The following ATP8A1 variants were observed in gnomAD, a reference collection of about 807,000 sequenced individuals.
The protein encoded by ATP8A1 is phospholipid-transporting ATPase IA.
Under a neutral mutation model 177.7 loss-of-function variants are expected in ATP8A1, and 90 were observed. That is an observed-to-expected ratio of 0.51 (90% CI 0.43 to 0.60). ATP8A1 has a LOEUF of 0.60. ATP8A1 is among the 20% of genes least tolerant of loss of function. The pLI, the probability that ATP8A1 is intolerant of heterozygous loss-of-function variation, is 0.00. For synonymous variants in ATP8A1, 493 were observed against 485.9 expected (o/e 1.01, Z -0.19); for missense variants, 1,072 against 1,392.8 (o/e 0.77, Z 3.67).
chr4:42,625,324 T>C (rs1378597497), intron 3 of ATP8A1: 1 of 217,728 alleles, frequency 4.6e-6, no homozygotes, highest in Non-Finnish European at 9.0e-6. Context: ...TCAGAGTTGA[T>C]ACTTTTACTA....
intron 33 of ATP8A1, among the ~76,000 whole-genome samples, chr4:42,435,445 A>C (rs1005368433): frequency 6.8e-4 from 38 of 56,012 alleles, no homozygotes; most frequent in Admixed American, 1.2e-3. Context: ...AAAAAAAAAA[A>C]AAAACAAAAA....
intron 20 of ATP8A1, among the ~76,000 whole-genome samples, chr4:42,529,407 G>A (rs569675589): frequency 2.0e-5 from 3 of 152,264 alleles, no homozygotes; most frequent in South Asian, 2.1e-4. Flanking sequence ...GTCACGATGC[G>A]ACCTGAACTG....
At position 42,465,013 on chromosome 4, in the gene ATP8A1, C is replaced by T. The variant is rs201046724; in HGVS notation, c.2388G>A (p.Thr796=). 1.7e-5 allele frequency: 27 copies of T among 1,614,160 alleles called. No homozygotes were observed. Among genetic ancestry groups the T allele is most frequent in the Non-Finnish European group, 1.9e-5 (23 of 1,180,014 alleles). ...EMVKKQVKVV[T]LAIGDGANDV... is the part of the protein sequence containing the mutation. Reference sequence around the variant, plus strand: ...CATTTGCTCCATCACCGATTGCAAGCGTTACGACTTTGACTTGTTTCTTAA... The same window carrying T: ...CATTTGCTCCATCACCGATTGCAAGTGTTACGACTTTGACTTGTTTCTTAA... The change falls in exon 26 of 37, where the codon ACG becomes ACA. Residue 796 remains threonine, a synonymous_variant. Coordinates refer to ENST00000381668, the MANE Select transcript of ATP8A1 (RefSeq NM_006095.2).
chr4:42,585,641 G>T (rs993622092), intron 9 of ATP8A1, among the ~76,000 whole-genome samples: 4 of 151,642 alleles, frequency 2.6e-5, no homozygotes, highest in Non-Finnish European at 4.4e-5. Flanking sequence ...AAATTACCCA[G>T]TCTAAGATAT....
intron 22 of ATP8A1, among the ~76,000 whole-genome samples, chr4:42,514,481 T>C (rs995847959): frequency 1.3e-5 from 2 of 152,206 alleles, no homozygotes; most frequent in Non-Finnish European, 2.9e-5. Context: ...GGGAAAATCA[T>C]GAAAAACATA....
chr4:42,653,186 C>A (rs546904045), intron 1 of ATP8A1, among the ~76,000 whole-genome samples: 2 of 152,202 alleles, frequency 1.3e-5, no homozygotes, highest in Admixed American at 6.5e-5. Context: ...CAGGCCAACT[C>A]CCTTATCTCC....
In ATP8A1 at chr4:42,473,820, G is replaced by GTT. The variant is rs35611601; in HGVS notation, c.2325-8746_2325-8745dup. ...GCCACCATGCATGGCTAATTTTTGTGTTTTTTTTTTTTTTGTAGAGATGGA... is the reference window on the plus strand; with the variant it reads ...GCCACCATGCATGGCTAATTTTTGTGTTTTTTTTTTTTTTTTGTAGAGATGGA... On this transcript the variant is annotated intron_variant, in intron 25 of 36. Transcript: ENST00000381668. Among the ~76,000 whole-genome samples the GTT allele has an allele frequency of 4.7e-3, 616 of 131,656 alleles. 9 individuals carry two copies. The highest frequency in any genetic ancestry group is 0.041 in the East Asian group (183 of 4,428). The allele number at this position is 131,656 out of a possible 152,430, so 86.4% of individuals were successfully genotyped here.
At chr4:42,463,482 A>G (rs918366069) in intron 27 of ATP8A1, among the ~76,000 whole-genome samples, 1 of 152,174 alleles carries the variant, frequency 6.6e-6, no homozygotes, top group African/African-American at 2.4e-5. Context: ...CTGTAAGTCC[A>G]TTAAACCTCT....
chr4:42,500,713 G>T (rs1213998720), intron 24 of ATP8A1, among the ~76,000 whole-genome samples: 4 of 152,166 alleles, frequency 2.6e-5, no homozygotes, highest in African/African-American at 9.7e-5. Context: ...TGCTATGAAA[G>T]GAGTCAAGAA....
chr4:42,551,968 A>C (rs1011495712), intron 17 of ATP8A1, among the ~76,000 whole-genome samples: 4 of 152,200 alleles, frequency 2.6e-5, no homozygotes, highest in African/African-American at 9.7e-5. Context: ...CAGATCTAAA[A>C]TTAAGCCTAA....
At chr4:42,481,847 A>C (rs1721703919) in intron 25 of ATP8A1, among the ~76,000 whole-genome samples, 1 of 152,232 alleles carries the variant, frequency 6.6e-6, no homozygotes, top group African/African-American at 2.4e-5. Context: ...AAATCATGAG[A>C]ATCAGTGGAC....
chr4:42,491,416 T>G (rs543880323), intron 24 of ATP8A1, among the ~76,000 whole-genome samples: 250 of 152,272 alleles, frequency 1.6e-3, no homozygotes, highest in Non-Finnish European at 2.8e-3. Context: ...AATAAAATAA[T>G]GTAACAGCAA....
In ATP8A1 at chr4:42,548,405, T is replaced by C. The variant is rs1430823014; in HGVS notation, c.1652+608A>G. On this transcript the variant is annotated intron_variant, in intron 19 of 36. Coordinates refer to ENST00000381668, the MANE Select transcript of ATP8A1 (RefSeq NM_006095.2). ...GCTATATTTCAAAACGATTTCTTTT[T>C]CTAAATTTTAAAATTGATACACAGT... Among the ~76,000 whole-genome samples the C allele has an allele frequency of 2.0e-5, 3 of 152,216 alleles. No individual in the cohort carries two copies. The East Asian group carries it at 5.8e-4, about 29-fold the overall frequency.
chr4:42,492,246 C>G (rs1304738054), intron 24 of ATP8A1, among the ~76,000 whole-genome samples: 2 of 151,970 alleles, frequency 1.3e-5, no homozygotes, highest in Non-Finnish European at 2.9e-5. Flanking sequence ...TAAATGTGTG[C>G]AGGTCAAATG....
At chr4:42,518,207 AT>A (rs1725755751) in intron 22 of ATP8A1, among the ~76,000 whole-genome samples, 1 of 152,156 alleles carries the variant, frequency 6.6e-6, no homozygotes, top group African/African-American at 2.4e-5. Context: ...CTATTATAAC[AT>A]TTCCTCTTAT....
intron 1 of ATP8A1, among the ~76,000 whole-genome samples, chr4:42,639,972 G>A (rs1343245155): frequency 6.6e-6 from 1 of 152,168 alleles, no homozygotes. Flanking sequence ...ATAGTACTTG[G>A]TGTGTGGCAA....
chr4:42,600,408 A>G, intron 6 of ATP8A1, 70 bp downstream of exon 6: 1 of 1,269,572 alleles, frequency 7.9e-7, no homozygotes. Context: ...TATTATACAA[A>G]AAATTATATA....
intron 33 of ATP8A1, among the ~76,000 whole-genome samples, chr4:42,439,935 C>T (rs1716434910): frequency 6.6e-6 from 1 of 152,218 alleles, no homozygotes; most frequent in Non-Finnish European, 1.5e-5. Flanking sequence ...ATCTCTGCCA[C>T]TATGAGTCAG....
At chr4:42,485,114 A>G (rs1722061441) in intron 25 of ATP8A1, among the ~76,000 whole-genome samples, 1 of 152,206 alleles carries the variant, frequency 6.6e-6, no homozygotes, top group Admixed American at 6.5e-5. Context: ...GCTATTTGGA[A>G]AATGATTCAG....
Sources: allele counts gnomAD v4.1 joint callset (sites outside exome capture counted in the v4.1 genomes callset), GRCh38; gene constraint gnomAD v4.1.1; transcripts MANE v1.5; gene names NCBI Gene and HGNC (gene_info 2026-07-23, HGNC 2026-07-21).